DGUOK: variants seen among roughly 807,000 people sequenced by gnomAD.
DGUOK encodes deoxyguanosine kinase.
In DGUOK, 30 loss-of-function variants were observed where a neutral mutation model predicts 36.6. The observed-to-expected ratio is 0.82, with a 90% confidence interval of 0.61 to 1.11. The LOEUF (loss-of-function observed/expected upper bound fraction) is 1.11. Among genes scored for constraint, DGUOK ranks in the 50% most tolerant of loss-of-function variants. The pLI, the probability that DGUOK is intolerant of heterozygous loss-of-function variation, is 0.00. For synonymous variants in DGUOK, 145 were observed against 126.3 expected (o/e 1.15, Z -0.99); for missense variants, 361 against 336.4 (o/e 1.07, Z -0.57).
chr2:73,954,859 C>CT (rs1682970669), intron 4 of DGUOK, among the ~76,000 whole-genome samples: 1 of 152,198 alleles, frequency 6.6e-6, no homozygotes, highest in Non-Finnish European at 1.5e-5. Flanking sequence ...TGTAGCTACA[C>CT]TATCTTTCCT....
At chr2:73,955,544 G>C (rs1178775990) in intron 4 of DGUOK, among the ~76,000 whole-genome samples, 13 of 152,158 alleles carry the variant, frequency 8.5e-5, no homozygotes, top group African/African-American at 3.1e-4. Context: ...ACTACATTTG[G>C]AAATTAAGTT....
chr2:73,928,514 G>T (rs7557705), intron 1 of DGUOK, among the ~76,000 whole-genome samples: 8,406 of 152,300 alleles, frequency 0.055, 256 homozygotes, highest in South Asian at 0.086. Flanking sequence ...AGCAAATCAC[G>T]TGGATACCTG....
intron 2 of DGUOK, among the ~76,000 whole-genome samples, chr2:73,943,808 C>T (rs768221946): frequency 2.3e-4 from 35 of 151,918 alleles, no homozygotes; most frequent in Non-Finnish European, 4.6e-4. Context: ...CCACCATGCC[C>T]GGCTAATTTT....
chr2:73,941,909 C>CTTTTTT (rs11342540), intron 2 of DGUOK, among the ~76,000 whole-genome samples: 2 of 142,510 alleles, frequency 1.4e-5, no homozygotes, highest in African/African-American at 2.6e-5. Context: ...TTGTCATTTT[C>CTTTTTT]TTTTTTTTTT....
chr2:73,944,546 CCTGT>C (rs1158000375), intron 2 of DGUOK, among the ~76,000 whole-genome samples: 1 of 152,166 alleles, frequency 6.6e-6, no homozygotes, highest in African/African-American at 2.4e-5. Flanking sequence ...TGACAACAGC[CCTGT>C]CTGAGCACAG....
At chr2:73,931,999 G>T (rs1160114495) in intron 1 of DGUOK, among the ~76,000 whole-genome samples, 1 of 152,128 alleles carries the variant, frequency 6.6e-6, no homozygotes, top group African/African-American at 2.4e-5. Context: ...GAGGCGGTCT[G>T]GGGAGGTTAG....
intron 1 of DGUOK, chr2:73,932,650 A>T (rs1362227738): frequency 7.7e-7 from 1 of 1,295,180 alleles, no homozygotes; most frequent in Middle Eastern, 2.1e-4. Flanking sequence ...AAACCTGAAC[A>T]GGGAAGGTGA....
intron 1 of DGUOK, among the ~76,000 whole-genome samples, chr2:73,927,416 T>C (rs1031444541): frequency 1.3e-5 from 2 of 152,238 alleles, no homozygotes; most frequent in Non-Finnish European, 2.9e-5. Flanking sequence ...AAAAATAATA[T>C]CCAGTTAAAA....
Position 73,955,008 on chromosome 2 carries a change from G to A in DGUOK, c.592-2117G>A, listed in dbSNP as rs1682984610. 3.3e-5 allele frequency among the ~76,000 whole-genome samples: 5 copies of A among 152,300 alleles called. No homozygotes were observed. In the South Asian group the frequency reaches 1.0e-3, roughly 32 times the overall value. ...GCAAGAGTTATGCCAAATGCTCATA[G>A]TAGGAGTTTACTTCGACCTCTTTTT... On this transcript the variant is annotated intron_variant, in intron 4 of 6. Transcript: ENST00000264093.
At chr2:73,937,279 C>A (rs529671279) in intron 1 of DGUOK, among the ~76,000 whole-genome samples, 1 of 152,226 alleles carries the variant, frequency 6.6e-6, no homozygotes, top group Non-Finnish European at 1.5e-5. Context: ...CCCGGACTGC[C>A]CATGTGGCCA....
chr2:73,933,128 G>A (rs1681184207), intron 1 of DGUOK, among the ~76,000 whole-genome samples: 1 of 152,150 alleles, frequency 6.6e-6, no homozygotes, highest in Non-Finnish European at 1.5e-5. Context: ...CTAATAACAT[G>A]TTTCCTCCAG....
At chr2:73,952,609 A>G (rs557644139) in intron 4 of DGUOK, among the ~76,000 whole-genome samples, 45 of 152,336 alleles carry the variant, frequency 3.0e-4, no homozygotes, top group Non-Finnish European at 1.2e-4. Flanking sequence ...GGTTCTCAGG[A>G]CGAGCTGAGC....
chr2:73,931,176 A>G (rs1341025472), intron 1 of DGUOK, among the ~76,000 whole-genome samples: 1 of 152,208 alleles, frequency 6.6e-6, no homozygotes, highest in Admixed American at 6.5e-5. Context: ...AGGAATTCCC[A>G]AGAGGAAGAA....
chr2:73,953,306 TCG>T (rs1284369224), intron 4 of DGUOK, among the ~76,000 whole-genome samples: 2 of 148,796 alleles, frequency 1.3e-5, no homozygotes, highest in African/African-American at 2.6e-5. Context: ...GTCGTCGTCG[TCG>T]TCGTCGTCAC....
At chr2:73,944,954 G>A (rs1220278748) in intron 2 of DGUOK, among the ~76,000 whole-genome samples, 6 of 152,178 alleles carry the variant, frequency 3.9e-5, no homozygotes, top group Non-Finnish European at 7.4e-5. Context: ...GGTATGTGTG[G>A]GCTTGCGGGG....
chr2:73,928,197 G>A (rs1680750716), intron 1 of DGUOK, among the ~76,000 whole-genome samples: 1 of 152,146 alleles, frequency 6.6e-6, no homozygotes, highest in Non-Finnish European at 1.5e-5. Flanking sequence ...ACACGATCTC[G>A]ACTCACTGCA....
At position 73,926,960 on chromosome 2, in the gene DGUOK, C is replaced by T; in HGVS notation, c.50C>T (p.Ser17Phe). Residue 17 changes from serine (S) to phenylalanine (F), a missense_variant, in exon 1 of 7, where the codon TCC (serine) becomes TTC (phenylalanine). Coordinates refer to ENST00000264093, the MANE Select transcript of DGUOK (RefSeq NM_080916.3). ...AGTCGGCTTCGAGCACCCTTCAGTT[C>T]CATGGCCAAGAGCCCACTCGAGGGC... ...FLSRLRAPFSSMAKSPLEGVS... is the reference protein window; with the variant it reads ...FLSRLRAPFSFMAKSPLEGVS... The T allele has an allele frequency of 1.9e-6, 3 of 1,613,350 alleles. No homozygotes were observed. The highest frequency in any genetic ancestry group is 2.5e-6 in the Non-Finnish European group (3 of 1,180,038).
intron 1 of DGUOK, among the ~76,000 whole-genome samples, chr2:73,937,198 C>G (rs2104898628): frequency 6.6e-6 from 1 of 152,318 alleles, no homozygotes; most frequent in Middle Eastern, 3.4e-3. Flanking sequence ...TCAGATGTCA[C>G]TAACTTCCCA....
intron 4 of DGUOK, among the ~76,000 whole-genome samples, chr2:73,955,356 T>G (rs935870741): frequency 3.9e-5 from 6 of 152,230 alleles, no homozygotes; most frequent in Non-Finnish European, 8.8e-5. Flanking sequence ...TAAAGCTACC[T>G]TTCTGGTGGG....
Sources: gnomAD v4.1 joint callset for allele counts (sites outside exome capture counted in the v4.1 genomes callset) on GRCh38, gnomAD v4.1.1 for gene constraint, MANE v1.5 for transcripts, NCBI Gene and HGNC (gene_info 2026-07-23, HGNC 2026-07-21) for gene names.